Variants in NEFM observed in about 807,000 individuals in gnomAD.
NEFM encodes neurofilament medium chain, also known as neurofilament medium polypeptide.
A neutral mutation model predicts 48.1 loss-of-function variants in NEFM; 16 were observed. The observed-to-expected ratio is 0.33, with a 90% CI of 0.23 to 0.51. The LOEUF (loss-of-function observed/expected upper bound fraction) is 0.51. NEFM is among the 20% of genes least tolerant of loss of function. NEFM has a pLI of 0.98. For missense variants in NEFM, 1,107 were observed against 1,136.0 expected, an observed-to-expected ratio of 0.97 and a Z score of 0.37; for synonymous variants, 465 against 456.9, an observed-to-expected ratio of 1.02 and a Z score of -0.23.
intron 1 of NEFM, chr8:24,915,088 T>C: frequency 1.5e-6 from 2 of 1,368,514 alleles, no homozygotes; most frequent in Admixed American, 3.7e-5. Flanking sequence ...CTGCTAAGGG[T>C]CTTGACCTTT....
At position 24,918,557 on chromosome 8, in the gene NEFM, A is replaced by G; in HGVS notation, c.2702A>G (p.Glu901Gly). 1 of 1,613,518 alleles carries G rather than the reference A, an allele frequency of 6.2e-7. No individual in the cohort carries two copies. Among genetic ancestry groups the G allele is most frequent in the Non-Finnish European group, 8.5e-7 (1 of 1,180,006 alleles). Residue 901 changes from glutamate (E) to glycine (G), a missense_variant, in exon 3 of 3, where the codon GAA (glutamate) becomes GGA (glycine). Transcript: ENST00000221166. Reference sequence around the variant, plus strand: ...AAACTAGTGTCTACTAAAAAGGTAGAAAAAGTCACTTCACACGCCATAGTA... The same window carrying G: ...AAACTAGTGTCTACTAAAAAGGTAGGAAAAGTCACTTCACACGCCATAGTA... ...EEKLVSTKKVEKVTSHAIVKE... is the reference protein window; with the variant it reads ...EEKLVSTKKVGKVTSHAIVKE...
intron 2 of NEFM, among the ~76,000 whole-genome samples, chr8:24,916,840 G>T (rs945038035): frequency 6.6e-6 from 1 of 152,192 alleles, no homozygotes; most frequent in Admixed American, 6.5e-5. Context: ...AGTCATTGTA[G>T]GGGGCAACTG....
At position 24,916,908 on chromosome 8, in the gene NEFM, G is replaced by A. The variant is rs149128304; in HGVS notation, c.1206-153G>A. Reference sequence around the variant, plus strand: ...TGAGTATAATGTAATATGCCAGTAAGTGATAGCAGGTATTATAGTGAATTC... The same window carrying A: ...TGAGTATAATGTAATATGCCAGTAAATGATAGCAGGTATTATAGTGAATTC... On this transcript the variant is annotated intron_variant, in intron 2 of 2. Coordinates refer to ENST00000221166, the MANE Select transcript of NEFM (RefSeq NM_005382.2). Among the ~76,000 whole-genome samples the A allele has an allele frequency of 9.3e-4, 141 of 152,290 alleles. 1 individual carries two copies. Among genetic ancestry groups the A allele is most frequent in the African/African-American group, 3.3e-3 (139 of 41,554 alleles).
chr8:24,915,520 CA>C (rs933989231), intron 1 of NEFM, 84 bp from the exon 2 acceptor site: 28 of 1,594,958 alleles, frequency 1.8e-5, no homozygotes, highest in Non-Finnish European at 2.3e-5. Flanking sequence ...GGGAGGAGGC[CA>C]GGGGGAAGGG....
intron 1 of NEFM, chr8:24,915,385 A>C: frequency 9.4e-7 from 1 of 1,058,840 alleles, no homozygotes; most frequent in Non-Finnish European, 1.3e-6. Context: ...GTGCCCAGGA[A>C]GTGTCCTATT....
Position 24,917,376 on chromosome 8 carries a change from T to C in NEFM, c.1521T>C (p.Ala507=), listed in dbSNP as rs554182199. 50 of 1,585,702 alleles carry C rather than the reference T, an allele frequency of 3.2e-5. 1 individual carries two copies. The Middle Eastern group carries it at 6.6e-4, about 21-fold the overall frequency. The change falls in exon 3 of 3, where the codon GCT becomes GCC. Residue 507 remains alanine, a synonymous_variant. Transcript: ENST00000221166. ...EEPEAEEEEV[A]AKKSPVKATA... is the part of the protein sequence containing the mutation. Reference sequence around the variant, plus strand: ...CCGAAGCTGAAGAAGAAGAAGTAGCTGCCAAAAAGTCTCCAGTGAAAGCAA... The same window carrying C: ...CCGAAGCTGAAGAAGAAGAAGTAGCCGCCAAAAAGTCTCCAGTGAAAGCAA...
rs191946006 is a variant in NEFM at position 24,918,253 on chromosome 8, A to C, written c.2398A>C (p.Ile800Leu). The change falls in exon 3 of 3, where the codon ATA (isoleucine) becomes CTA (leucine). Residue 800 changes from isoleucine to leucine, a missense_variant. Coordinates refer to ENST00000221166, the MANE Select transcript of NEFM (RefSeq NM_005382.2). ...TGCCAAGGGATCCAGGAAGGAAGACATAGCTGTCAATGGGGAGGTAGAAGG... is the reference window on the plus strand; with the variant it reads ...TGCCAAGGGATCCAGGAAGGAAGACCTAGCTGTCAATGGGGAGGTAGAAGG... ...KGAKGSRKEDIAVNGEVEGKE... is the reference protein window; with the variant it reads ...KGAKGSRKEDLAVNGEVEGKE... 1.3e-5 allele frequency: 21 copies of C among 1,582,998 alleles called. No individual in the cohort carries two copies. The African/African-American group carries it at 2.3e-4, about 17-fold the overall frequency.
chr8:24,915,045 C>G, intron 1 of NEFM, 172 bp downstream of exon 1: 1 of 1,384,476 alleles, frequency 7.2e-7, no homozygotes, highest in Non-Finnish European at 9.3e-7. Context: ...CCCATCTCAT[C>G]CTCCACACTC....
Position 24,918,180 on chromosome 8 carries a change from G to T in NEFM, c.2325G>T (p.Glu775Asp), listed in dbSNP as rs1339667199. Residue 775 changes from glutamate (E) to aspartate (D), a missense_variant, in exon 3 of 3, where the codon GAG becomes GAT. Physicochemically the swap from Glu to Asp is conservative, Grantham distance 45 (BLOSUM62 2). Transcript: ENST00000221166. ...CACTGCAGCAGGAGAAAGAGAAGGA[G>T]AAAGCGGGAGGAGAGGGAGGAAGTG... ...GKPLQQEKEK[E>D]KAGGEGGSEE... 6 of 1,551,892 alleles carry T rather than the reference G, an allele frequency of 3.9e-6. No homozygotes were observed. Among genetic ancestry groups the T allele is most frequent in the Admixed American group, 3.9e-5 (2 of 50,936 alleles).
chr8:24,916,537 C>G (rs1007465129), intron 2 of NEFM, among the ~76,000 whole-genome samples: 1 of 152,136 alleles, frequency 6.6e-6, no homozygotes, highest in Non-Finnish European at 1.5e-5. Context: ...TTCAGGAAAG[C>G]TGAATAACTA....
intron 2 of NEFM, among the ~76,000 whole-genome samples, chr8:24,916,142 T>A (rs1451480833): frequency 6.6e-6 from 1 of 152,222 alleles, no homozygotes; most frequent in Non-Finnish European, 1.5e-5. Context: ...TGTTTCTCTG[T>A]TATATAGCTT....
intron 2 of NEFM, among the ~76,000 whole-genome samples, chr8:24,916,431 C>T (rs959433326): frequency 6.6e-6 from 1 of 151,996 alleles, no homozygotes; most frequent in Admixed American, 6.6e-5. Context: ...GTTGACTAAG[C>T]GCAAAGGACA....
At position 24,914,086 on chromosome 8, in the gene NEFM, G is replaced by A. The variant is rs1435889315; in HGVS notation, c.293G>A (p.Arg98His). The A allele has an allele frequency of 6.2e-7, 1 of 1,612,926 alleles. No individual in the cohort carries two copies. The highest frequency in any genetic ancestry group is 8.5e-7 in the Non-Finnish European group (1 of 1,179,966). The change falls in exon 1 of 3, where the codon CGC becomes CAC. Residue 98 changes from arginine (R) to histidine (H), a missense_variant. This residue lies in a region of NEFM where 186 missense variants were observed against 200.6 expected (regional missense o/e 0.93). Transcript: ENST00000221166. The stretch of plus-strand genomic sequence containing the variant: ...CCCGGCGGCGACTACAAGCTGTCCC[G>A]CTCCAACGAGAAGGAGCAGCTGCAG... The part of the protein sequence containing the change: ...SGPGGDYKLS[R>H]SNEKEQLQGL...
intron 2 of NEFM, among the ~76,000 whole-genome samples, chr8:24,916,186 G>T (rs1386045182): frequency 1.3e-5 from 2 of 152,052 alleles, no homozygotes; most frequent in Non-Finnish European, 2.9e-5. Flanking sequence ...AATAGATATA[G>T]AATGATAGAA....
In NEFM at chr8:24,915,592, G is replaced by T; in HGVS notation, c.1081-13G>T. 2.5e-6 allele frequency: 4 copies of T among 1,614,066 alleles called. No individual in the cohort carries two copies. The South Asian group carries it at 4.4e-5, about 18-fold the overall frequency. The stretch of plus-strand genomic sequence containing the variant: ...AAGGATGAGTCTGGGGAGATTCTCT[G>T]TGTCTGTTTCAGGACACCATCCAGC... On this transcript the variant is annotated splice_polypyrimidine_tract_variant and intron_variant, in intron 1 of 2. Coordinates refer to ENST00000221166, the MANE Select transcript of NEFM (RefSeq NM_005382.2).
chr8:24,917,031 A>G (rs1411509003), intron 2 of NEFM, 30 bp from the exon 3 acceptor site: 1 of 1,599,960 alleles, frequency 6.3e-7, no homozygotes. Flanking sequence ...AATTTTTACT[A>G]TGTCTTATGT....
chr8:24,915,558 G>T lies in NEFM; in HGVS notation c.1081-47G>T, dbSNP rs753109080. The T allele has an allele frequency of 6.2e-6, 10 of 1,612,094 alleles. 1 individual carries two copies. The South Asian group carries it at 7.7e-5, about 12-fold the overall frequency. On this transcript the variant is annotated intron_variant, in intron 1 of 2. Coordinates refer to ENST00000221166, the MANE Select transcript of NEFM (RefSeq NM_005382.2). ...TAGCAAGTGGTTTGCGAAGGAAGTTGCTGTTTGCAAGGATGAGTCTGGGGA... is the reference window on the plus strand; with the variant it reads ...TAGCAAGTGGTTTGCGAAGGAAGTTTCTGTTTGCAAGGATGAGTCTGGGGA...
chr8:24,914,944 G>A, intron 1 of NEFM, 71 bp downstream of exon 1: 1 of 1,471,876 alleles, frequency 6.8e-7, no homozygotes. Context: ...TTGGGCTCGT[G>A]CCCAGGCGCC....
Position 24,917,200 on chromosome 8 carries a change from C to A in NEFM, c.1345C>A (p.Gln449Lys). 1 of 1,613,934 alleles carries A rather than the reference C, an allele frequency of 6.2e-7. No homozygotes were observed. Among genetic ancestry groups the A allele is most frequent in the Non-Finnish European group, 8.5e-7 (1 of 1,180,004 alleles). ...GGTGGAAGCTCCCAAGCTTAAGGTC[C>A]AACACAAATTTGTCGAGGAGATCAT... Reference protein sequence around the residue: ...PKVEAPKLKVQHKFVEEIIEE... With the variant: ...PKVEAPKLKVKHKFVEEIIEE... Residue 449 changes from glutamine (Q) to lysine (K), a missense_variant, in exon 3 of 3, where the codon CAA (glutamine) becomes AAA (lysine). By Grantham distance (53) the Gln-to-Lys change is moderately conservative. Coordinates refer to ENST00000221166, the MANE Select transcript of NEFM (RefSeq NM_005382.2).
Sources: allele counts gnomAD v4.1 joint callset (sites outside exome capture counted in the v4.1 genomes callset), GRCh38; gene constraint gnomAD v4.1.1; regional missense constraint gnomAD v4.1.1; transcripts MANE v1.5; gene names NCBI Gene and HGNC (gene_info 2026-07-23, HGNC 2026-07-21).